The following PLXNA4 variants were observed in gnomAD, a reference collection of about 807,000 sequenced individuals.
PLXNA4 encodes the protein plexin A4, also known as plexin-A4.
In PLXNA4, 44 loss-of-function variants were observed where a neutral mutation model predicts 191.8. The ratio of observed to expected loss-of-function variants is 0.23; its 90% CI spans 0.18 to 0.29. The LOEUF (loss-of-function observed/expected upper bound fraction) is 0.29. Among genes scored for constraint, PLXNA4 ranks in the 10% least tolerant of loss-of-function variants. The pLI is 1.00. For missense variants in PLXNA4, 1,800 were observed against 2,488.8 expected (o/e 0.72, Z 5.89); for synonymous variants, 1,082 against 1,009.5 (o/e 1.07, Z -1.36).
intron 3 of PLXNA4, among the ~76,000 whole-genome samples, chr7:132,403,453 T>C (rs892539095): frequency 6.6e-6 from 1 of 152,166 alleles, no homozygotes; most frequent in Non-Finnish European, 1.5e-5. Context: ...GGGGCCCTAA[T>C]TGCTGCTAAA....
At chr7:132,203,548 G>A (rs1352578622) in intron 10 of PLXNA4, 129 bp from the exon 11 acceptor site, 8 of 759,664 alleles carry the variant, frequency 1.1e-5, no homozygotes, top group Non-Finnish European at 1.8e-5. Flanking sequence ...GTGCTTGTGT[G>A]CATGTGTCTA....
At chr7:132,629,165 C>T (rs1426964658) in intron 2 of PLXNA4, among the ~76,000 whole-genome samples, 1 of 152,170 alleles carries the variant, frequency 6.6e-6, no homozygotes, top group Non-Finnish European at 1.5e-5. Flanking sequence ...CTTAGAACTC[C>T]TGCCTTGGAC....
intron 3 of PLXNA4, among the ~76,000 whole-genome samples, chr7:132,461,316 C>T (rs972838115): frequency 1.3e-5 from 2 of 152,112 alleles, no homozygotes; most frequent in South Asian, 4.1e-4. Flanking sequence ...GTTAAAACCT[C>T]ACTATAAGAA....
At chr7:132,354,155 G>A (rs1424415547) in intron 3 of PLXNA4, among the ~76,000 whole-genome samples, 1 of 151,164 alleles carries the variant, frequency 6.6e-6, no homozygotes, top group East Asian at 1.9e-4. Flanking sequence ...AAATGTGTAT[G>A]CCTGTAAGCC....
chr7:132,229,994 C>T (rs1187456775), intron 5 of PLXNA4, among the ~76,000 whole-genome samples: 1 of 152,130 alleles, frequency 6.6e-6, no homozygotes, highest in African/African-American at 2.4e-5. Flanking sequence ...TGGACTGAAG[C>T]TGTCCCTCTA....
intron 4 of PLXNA4, among the ~76,000 whole-genome samples, chr7:132,289,266 ACT>A (rs1800795762): frequency 6.6e-6 from 1 of 151,928 alleles, no homozygotes; most frequent in South Asian, 2.1e-4. Context: ...CCATCTGACC[ACT>A]CTCTTTTAAA....
intron 3 of PLXNA4, among the ~76,000 whole-genome samples, chr7:132,421,590 T>TA (rs61677349): frequency 5.3e-5 from 8 of 152,134 alleles, no homozygotes; most frequent in South Asian, 2.1e-4. Flanking sequence ...TTTTTTTTTT[T>TA]ACCACAGCTT....
chr7:132,469,268 A>T (rs1796839669), intron 3 of PLXNA4, among the ~76,000 whole-genome samples: 1 of 152,142 alleles, frequency 6.6e-6, no homozygotes, highest in Non-Finnish European at 1.5e-5. Context: ...TTACCTCCCT[A>T]AGTTTCTTTA....
At chr7:132,255,254 A>G (rs1019394354) in intron 4 of PLXNA4, among the ~76,000 whole-genome samples, 1 of 152,158 alleles carries the variant, frequency 6.6e-6, no homozygotes, top group Non-Finnish European at 1.5e-5. Flanking sequence ...TGCTGCTGGG[A>G]CCTGGGCTGT....
intron 3 of PLXNA4, among the ~76,000 whole-genome samples, chr7:132,336,123 C>T (rs563630131): frequency 1.3e-5 from 2 of 152,332 alleles, no homozygotes; most frequent in African/African-American, 4.8e-5. Context: ...AGAAGAATAA[C>T]AAGGAAAGCC....
In PLXNA4 at chr7:132,176,949, C is replaced by T. The variant is rs572136031; in HGVS notation, c.3875-2029G>A. ...ATGTGGGCATGTGTGTGCACGCCTGCAAGTTGAGTGCGTGAGTGTATGAGT... is the reference window on the plus strand; with the variant it reads ...ATGTGGGCATGTGTGTGCACGCCTGTAAGTTGAGTGCGTGAGTGTATGAGT... On this transcript the variant is annotated intron_variant, in intron 20 of 31. Coordinates refer to ENST00000321063, the MANE Select transcript of PLXNA4 (RefSeq NM_020911.2). Among the ~76,000 whole-genome samples, 25 of 151,380 alleles carry T rather than the reference C, an allele frequency of 1.7e-4. No homozygotes were observed. In the South Asian group the frequency reaches 5.0e-3, roughly 30 times the overall value.
At chr7:132,254,812 T>C (rs1183632927) in intron 4 of PLXNA4, among the ~76,000 whole-genome samples, 1 of 152,212 alleles carries the variant, frequency 6.6e-6, no homozygotes, top group Non-Finnish European at 1.5e-5. Context: ...TTTGCGCATC[T>C]GGGGAGTCTG....
chr7:132,577,035 G>A (rs1802274836), upstream of PLXNA4: 1 of 146,304 alleles, frequency 6.8e-6, no homozygotes, highest in African/African-American at 2.5e-5. Context: ...CGAGACACTC[G>A]CCGGGCAGTG....
intron 2 of PLXNA4, among the ~76,000 whole-genome samples, chr7:132,499,440 T>G (rs1175433222): frequency 6.6e-6 from 1 of 152,222 alleles, no homozygotes; most frequent in African/African-American, 2.4e-5. Flanking sequence ...AACCAAAACC[T>G]ACTGGGGTGC....
At chr7:132,469,428 C>T (rs970536818) in intron 3 of PLXNA4, among the ~76,000 whole-genome samples, 2 of 152,212 alleles carry the variant, frequency 1.3e-5, no homozygotes, top group Non-Finnish European at 2.9e-5. Context: ...TCTCCCCAGC[C>T]CTGACTGATT....
At chr7:132,636,166 A>C (rs1376221663) in intron 2 of PLXNA4, among the ~76,000 whole-genome samples, 3 of 152,260 alleles carry the variant, frequency 2.0e-5, no homozygotes, top group Non-Finnish European at 4.4e-5. Flanking sequence ...TCCAATACCC[A>C]GGTTGGCTCA....
chr7:132,386,754 C>T (rs1016286903), intron 3 of PLXNA4, among the ~76,000 whole-genome samples: 6 of 152,316 alleles, frequency 3.9e-5, no homozygotes, highest in East Asian at 3.9e-4. Context: ...AGGGACCTGG[C>T]TCGAGAGCCT....
intron 3 of PLXNA4, among the ~76,000 whole-genome samples, chr7:132,322,184 CT>C (rs5887566): frequency 0.55 from 67,243 of 122,334 alleles, 19,584 homozygotes; most frequent in East Asian, 0.81. Flanking sequence ...CCTAAAAGGG[CT>C]TTTTTTTTTT....
intron 3 of PLXNA4, among the ~76,000 whole-genome samples, chr7:132,467,550 A>G (rs1461283930): frequency 6.6e-6 from 1 of 152,242 alleles, no homozygotes; most frequent in Non-Finnish European, 1.5e-5. Context: ...ATCATGTCCC[A>G]GTGCATGTCC....
Sources: allele counts gnomAD v4.1 joint callset (sites outside exome capture counted in the v4.1 genomes callset), GRCh38; gene constraint gnomAD v4.1.1; transcripts MANE v1.5; gene names NCBI Gene and HGNC (gene_info 2026-07-23, HGNC 2026-07-21).